PCDH15: variants seen among roughly 807,000 people sequenced by gnomAD.
PCDH15 encodes protocadherin related 15, also known as protocadherin-15.
PCDH15 carries 129 observed loss-of-function variants against 178.5 expected under a neutral mutation model. The observed-to-expected ratio is 0.72, with a 90% CI of 0.63 to 0.84. The LOEUF is 0.84. Among genes scored for constraint, PCDH15 ranks in the 40% least tolerant of loss-of-function variants. The pLI, the probability that PCDH15 is intolerant of heterozygous loss-of-function variation, is 0.00. For synonymous variants in PCDH15, 800 were observed against 732.0 expected (o/e 1.09, Z -1.50); for missense variants, 2,230 against 2,099.9 (o/e 1.06, Z -1.21).
intron 9 of PCDH15, among the ~76,000 whole-genome samples, chr10:54,220,048 G>A (rs1237308781): frequency 6.6e-6 from 1 of 152,046 alleles, no homozygotes; most frequent in Non-Finnish European, 1.5e-5. Flanking sequence ...TTTCAAAAAT[G>A]CAATATAATT....
At chr10:53,950,297 A>G (rs932246360) in intron 23 of PCDH15, among the ~76,000 whole-genome samples, 3 of 152,058 alleles carry the variant, frequency 2.0e-5, no homozygotes, top group Non-Finnish European at 2.9e-5. Context: ...TTATTTTATT[A>G]TATATATACC....
intron 14 of PCDH15, among the ~76,000 whole-genome samples, chr10:54,147,339 T>A (rs1204375705): frequency 6.6e-6 from 1 of 151,858 alleles, no homozygotes; most frequent in Non-Finnish European, 1.5e-5. Context: ...TCAACTAAAT[T>A]TCTGATGTCA....
chr10:54,066,747 T>C lies in PCDH15; in HGVS notation c.2220+10A>G, dbSNP rs2135809881. 1 of 1,611,990 alleles carries C rather than the reference T, an allele frequency of 6.2e-7. No individual in the cohort carries two copies. The highest frequency in any genetic ancestry group is 1.3e-5 in the African/African-American group (1 of 75,006). On this transcript the variant is annotated intron_variant, in intron 18 of 37. Coordinates refer to ENST00000644397, the MANE Select transcript of PCDH15 (RefSeq NM_001384140.1). ...ACTACATATAAGATCTATATAAATA[T>C]TCCACTTACTTTTACTTGACCCACA...
At chr10:53,974,465 T>C (rs2090025428) in intron 21 of PCDH15, among the ~76,000 whole-genome samples, 1 of 152,128 alleles carries the variant, frequency 6.6e-6, no homozygotes, top group Admixed American at 6.5e-5. Flanking sequence ...TTAAAAATTG[T>C]CTAAAATATT....
intron 3 of PCDH15, among the ~76,000 whole-genome samples, chr10:54,431,127 C>T (rs186098322): frequency 5.9e-5 from 9 of 152,176 alleles, no homozygotes; most frequent in South Asian, 2.1e-4. Context: ...AAAACTATCC[C>T]GGTAAAGAAA....
At position 54,104,835 on chromosome 10, in the gene PCDH15, TCAA is replaced by T. The variant is rs1162769227; in HGVS notation, c.1918-14775_1918-14773del. ...CTGGCTGAGAGAGTGAGACTCTGCC[TCAA>T]CAACAACAAAAAAAAAAAAAAAAAA... On this transcript the variant is annotated intron_variant, in intron 15 of 37. Coordinates refer to ENST00000644397, the MANE Select transcript of PCDH15 (RefSeq NM_001384140.1). Among the ~76,000 whole-genome samples the T allele has an allele frequency of 7.6e-3, 752 of 98,998 alleles. 172 individuals are homozygous for T. The highest frequency in any genetic ancestry group is 0.022 in the Middle Eastern group (4 of 180). The allele number at this position is 98,998 out of a possible 152,430, so 64.9% of individuals were successfully genotyped here. A position where few individuals can be genotyped will look rare whatever the true frequency, so the allele number is the denominator to read the frequency against.
chr10:54,069,782 T>C (rs926030393), intron 17 of PCDH15, among the ~76,000 whole-genome samples: 5 of 152,180 alleles, frequency 3.3e-5, no homozygotes, highest in South Asian at 2.1e-4. Flanking sequence ...AGAATGTTTA[T>C]GTCTTATTAA....
At chr10:54,061,962 G>A (rs901616944) in intron 18 of PCDH15, among the ~76,000 whole-genome samples, 1 of 151,794 alleles carries the variant, frequency 6.6e-6, no homozygotes, top group Non-Finnish European at 1.5e-5. Flanking sequence ...TGGTGGCTCA[G>A]GCCTGTAATC....
intron 1 of PCDH15, among the ~76,000 whole-genome samples, chr10:55,264,610 C>T (rs925502647): frequency 4.6e-5 from 7 of 152,120 alleles, no homozygotes; most frequent in Non-Finnish European, 7.4e-5. Flanking sequence ...AAATGAGGGA[C>T]GCCTCTATTC....
At chr10:53,832,064 T>G (rs1333070771) in intron 29 of PCDH15, among the ~76,000 whole-genome samples, 246 of 151,688 alleles carry the variant, frequency 1.6e-3, no homozygotes, top group African/African-American at 5.7e-3. Flanking sequence ...CATAACACCA[T>G]CTTAAAAGTA....
rs66768343 is a variant in PCDH15 at position 55,157,953 on chromosome 10, ATT to A, written c.-80+8621_-80+8622del. Among the ~76,000 whole-genome samples the A allele has an allele frequency of 1.0e-3, 158 of 151,566 alleles. 1 individual carries two copies. The highest frequency in any genetic ancestry group is 1.8e-3 in the Non-Finnish European group (124 of 67,922). ...CATGTACCCTAGAACTTAAAGGATA[ATT>A]TAAAAAATAAATAAATTAACATAAA... On this transcript the variant is annotated intron_variant, in intron 2 of 5. Coordinates refer to the PCDH15 transcript ENST00000458638.
intron 20 of PCDH15, among the ~76,000 whole-genome samples, chr10:54,008,829 A>T (rs1051697384): frequency 3.9e-5 from 6 of 152,196 alleles, no homozygotes; most frequent in African/African-American, 9.6e-5. Flanking sequence ...AGAGTAAACC[A>T]AGGCAAATTT....
At chr10:54,284,560 C>T (rs998933201) in intron 8 of PCDH15, among the ~76,000 whole-genome samples, 3 of 152,142 alleles carry the variant, frequency 2.0e-5, no homozygotes, top group Admixed American at 2.0e-4. Flanking sequence ...CCTAAGTCAT[C>T]ACCTTTTATA....
intron 3 of PCDH15, among the ~76,000 whole-genome samples, chr10:54,829,836 A>T (rs1436273393): frequency 4.6e-5 from 7 of 152,122 alleles, no homozygotes; most frequent in Admixed American, 1.3e-4. Flanking sequence ...AATGATATGC[A>T]CACTATAGCT....
intron 2 of PCDH15, among the ~76,000 whole-genome samples, chr10:55,498,989 A>G (rs1178222763): frequency 6.6e-6 from 1 of 151,890 alleles, no homozygotes; most frequent in East Asian, 1.9e-4. Context: ...AATTATGTCT[A>G]GTTGACAGCT....
chr10:55,405,012 G>A (rs931547482), intron 2 of PCDH15, among the ~76,000 whole-genome samples: 32 of 151,398 alleles, frequency 2.1e-4, no homozygotes, highest in Non-Finnish European at 3.5e-4. Flanking sequence ...GAACAGAAAT[G>A]TTCAGAAATA....
chr10:54,755,936 T>C (rs11004551), intron 1 of PCDH15, among the ~76,000 whole-genome samples: 75,554 of 151,268 alleles, frequency 0.5, 19,384 homozygotes, highest in Middle Eastern at 0.67. Context: ...GTAAACACCA[T>C]GAGACAAGGC....
intron 1 of PCDH15, among the ~76,000 whole-genome samples, chr10:55,256,298 C>T (rs529216798): frequency 1.4e-4 from 21 of 152,184 alleles, no homozygotes; most frequent in South Asian, 4.1e-4. Context: ...CCAGTGTGAG[C>T]GAGGCAGAAG....
At chr10:54,599,956 G>T in intron 2 of PCDH15, 2 of 1,016,104 alleles carry the variant, frequency 2.0e-6, no homozygotes, top group Non-Finnish European at 1.5e-6. Context: ...AGACACCAAG[G>T]TGGAAAAGCC....
Sources: gnomAD v4.1 joint callset for allele counts (sites outside exome capture counted in the v4.1 genomes callset) on GRCh38, gnomAD v4.1.1 for gene constraint, MANE v1.5 for transcripts, NCBI Gene and HGNC (gene_info 2026-07-23, HGNC 2026-07-21) for gene names.